Variants in SAMD11 observed in about 807,000 individuals in gnomAD.
The protein encoded by SAMD11 is sterile alpha motif domain-containing protein 11.
A neutral mutation model predicts 64.4 loss-of-function variants in SAMD11; 77 were observed. That is an observed-to-expected ratio of 1.20 (90% CI 0.99 to 1.44). The LOEUF is 1.44. SAMD11 is among the 40% of genes most tolerant of loss of function. The pLI is 0.00. For synonymous variants in SAMD11, 658 were observed against 421.9 expected (o/e 1.56, Z -6.86); for missense variants, 1,402 against 943.3 (o/e 1.49, Z -6.37).
At chr1:927,233 G>A (rs1640937957) in intron 2 of SAMD11, among the ~76,000 whole-genome samples, 1 of 152,174 alleles carries the variant, frequency 6.6e-6, no homozygotes, top group Non-Finnish European at 1.5e-5. Flanking sequence ...GGGGCAAGAG[G>A]CCCAGTTCCC....
rs776005293 is a variant in SAMD11, at chr1:930,189, C to T, written c.644C>T (p.Ala215Val). ...CGGCTGGCAGACAAGAGGACAGTCG[C>T]CCTGCCTGCCGCCCGGAACCTGAAG... Reference protein sequence around the residue: ...RGRLADKRTVALPAARNLKKE... With the variant: ...RGRLADKRTVVLPAARNLKKE... Residue 215 changes from alanine (A) to valine (V), a missense_variant, in exon 3 of 14, where the codon GCC becomes GTC. Ala to Val is a moderately conservative substitution (Grantham distance 64, BLOSUM62 0). Transcript: ENST00000616016. 1.3e-5 allele frequency: 20 copies of T among 1,561,940 alleles called. No individual in the cohort carries two copies. Among genetic ancestry groups the T allele is most frequent in the Admixed American group, 3.8e-5 (2 of 52,118 alleles).
At chr1:930,966 C>A in intron 3 of SAMD11, 73 bp from the exon 4 acceptor site, 1 of 1,468,352 alleles carries the variant, frequency 6.8e-7, no homozygotes, top group Non-Finnish European at 9.5e-7. Flanking sequence ...CAGGTCTGCG[C>A]ACGCCCTGCT....
chr1:936,016 C>A, intron 5 of SAMD11, 120 bp downstream of exon 5: 1 of 1,026,254 alleles, frequency 9.7e-7, no homozygotes, highest in Non-Finnish European at 1.4e-6. Context: ...AGCGGCCTGT[C>A]CCCCAGGGGC....
chr1:940,150 G>T lies in SAMD11; in HGVS notation c.1195+738G>T, dbSNP rs1358894955. On this transcript the variant is annotated intron_variant, in intron 7 of 13. Coordinates refer to ENST00000616016, the MANE Select transcript of SAMD11 (RefSeq NM_001385641.1). ...TCCCCCAGGGCAGCTCAGGCACCAA[G>T]AGCCTGAATAATTCACCAAATGTTA... Among the ~76,000 whole-genome samples, 7 of 152,330 alleles carry T rather than the reference G, an allele frequency of 4.6e-5. 1 individual carries two copies. The highest frequency in any genetic ancestry group is 1.7e-4 in the African/African-American group (7 of 41,574).
Position 944,028 on chromosome 1 carries a change from C to T in SAMD11, c.2410C>T (p.Pro804Ser). Residue 804 changes from proline (P) to serine (S), a missense_variant, in exon 14 of 14, where the codon CCC becomes TCC. Coordinates refer to ENST00000616016, the MANE Select transcript of SAMD11 (RefSeq NM_001385641.1). ...ELGTGEQPLS[P>S]TTATSPYGGG... is the part of the protein sequence containing the mutation. ...CGGCACAGGAGAGCAGCCCTTGTCCCCCACGACGGCCACGTCCCCCTATGG... is the reference window on the plus strand; with the variant it reads ...CGGCACAGGAGAGCAGCCCTTGTCCTCCACGACGGCCACGTCCCCCTATGG... 6.2e-7 allele frequency: 1 copy of T among 1,612,870 alleles called. No homozygotes were observed. The highest frequency in any genetic ancestry group is 8.5e-7 in the Non-Finnish European group (1 of 1,179,982).
chr1:937,827 G>A (rs1641540598), intron 5 of SAMD11, among the ~76,000 whole-genome samples: 1 of 152,260 alleles, frequency 6.6e-6, no homozygotes, highest in Admixed American at 6.5e-5. Flanking sequence ...TAAGTTATTA[G>A]CACCACTCTG....
At position 930,058 on chromosome 1, in the gene SAMD11, C is replaced by T. The variant is rs79027658; in HGVS notation, c.610-97C>T. 1,077 of 1,397,484 alleles carry T rather than the reference C, an allele frequency of 7.7e-4. 11 individuals carry two copies. The East Asian group carries it at 0.019, about 24-fold the overall frequency. The allele number at this position is 1,397,484 out of a possible 1,614,324, so 86.6% of individuals were successfully genotyped here. A position where few individuals can be genotyped will look rare whatever the true frequency, so the allele number is the denominator to read the frequency against. On this transcript the variant is annotated intron_variant, in intron 2 of 13. Transcript: ENST00000616016. Reference sequence around the variant, plus strand: ...GGGGTGCGAGACCAGGGCAGACCCCCGGGAGATGGAACGGCCCGGTCCAGC... The same window carrying T: ...GGGGTGCGAGACCAGGGCAGACCCCTGGGAGATGGAACGGCCCGGTCCAGC...
chr1:939,736 G>A (rs949098623), intron 7 of SAMD11, among the ~76,000 whole-genome samples: 6 of 152,168 alleles, frequency 3.9e-5, no homozygotes, highest in South Asian at 2.1e-4. Flanking sequence ...ACCCCCCGAG[G>A]AGAGCAAGCT....
intron 2 of SAMD11, among the ~76,000 whole-genome samples, chr1:928,324 G>A (rs1231801605): frequency 4.6e-5 from 7 of 152,194 alleles, no homozygotes; most frequent in South Asian, 4.1e-4. Flanking sequence ...CCCGGGAGGC[G>A]GAGCTTGCAG....
chr1:930,264 G>C lies in SAMD11; in HGVS notation c.719G>C (p.Ser240Thr), dbSNP rs1641108355. ...GCCAGCGATGGTGACAGCGACGGGA[G>C]TGGCCCCACCTGTGGGCGGCGGCCA... ...FSASDGDSDG[S>T]GPTCGRRPGL... The change falls in exon 3 of 14, where the codon AGT (serine) becomes ACT (threonine). Residue 240 changes from serine to threonine, a missense_variant. Ser to Thr is a moderately conservative substitution (Grantham distance 58). Coordinates refer to ENST00000616016, the MANE Select transcript of SAMD11 (RefSeq NM_001385641.1). The C allele has an allele frequency of 1.2e-6, 2 of 1,608,074 alleles. No individual in the cohort carries two copies. The highest frequency in any genetic ancestry group is 3.4e-5 in the Admixed American group (2 of 59,378).
rs1196819048 is a variant in SAMD11, at chr1:928,724, A to AGG, written c.610-1428_610-1427dup. 5.3e-5 allele frequency among the ~76,000 whole-genome samples: 8 copies of AGG among 152,340 alleles called. No individual in the cohort carries two copies. In the East Asian group the frequency reaches 1.4e-3, roughly 26 times the overall value. On this transcript the variant is annotated intron_variant, in intron 2 of 13. Transcript: ENST00000616016. ...CAGTGAGCTGTCGTGGAGAGAGCAG[A>AGG]GGGGACCCAGCGCAGGCCCAGTGGC...
At chr1:943,140 A>G in intron 11 of SAMD11, 82 bp downstream of exon 11, 1 of 1,576,842 alleles carries the variant, frequency 6.3e-7, no homozygotes, top group Non-Finnish European at 8.6e-7. Flanking sequence ...GGGGAGGAAA[A>G]ATTCCCCTTA....
rs1641651864 is a variant in SAMD11, at chr1:939,811, C to T, written c.1195+399C>T. ...GGACGCCGACCTGCCAGACGCCTGCCCCAGGAGCCTGGGGAGGGGCAGTGA... is the reference window on the plus strand; with the variant it reads ...GGACGCCGACCTGCCAGACGCCTGCTCCAGGAGCCTGGGGAGGGGCAGTGA... On this transcript the variant is annotated intron_variant, in intron 7 of 13. Coordinates refer to ENST00000616016, the MANE Select transcript of SAMD11 (RefSeq NM_001385641.1). Among the ~76,000 whole-genome samples, 3 of 151,982 alleles carry T rather than the reference C, an allele frequency of 2.0e-5. No individual in the cohort carries two copies. The South Asian group carries it at 6.2e-4, about 32-fold the overall frequency.
At position 944,395 on chromosome 1, in the gene SAMD11, C is replaced by A; in HGVS notation, c.*242C>A. ...CAGAGGTGGTGGAAGGGGCCAGGGG[C>A]CTGCAGGCCTCCCCCTGGAACTGGG... On this transcript the variant is annotated 3_prime_UTR_variant, in exon 14 of 14. Coordinates refer to ENST00000616016, the MANE Select transcript of SAMD11 (RefSeq NM_001385641.1). 4 of 1,252,892 alleles carry A rather than the reference C, an allele frequency of 3.2e-6. No homozygotes were observed. The highest frequency in any genetic ancestry group is 4.1e-6 in the Non-Finnish European group (4 of 965,490). 77.6% of individuals were successfully genotyped at this position (1,252,892 alleles called of 1,614,324 possible). A position where few individuals can be genotyped will look rare whatever the true frequency, so the allele number is the denominator to read the frequency against.
At chr1:940,678 G>T (rs561299196) in intron 7 of SAMD11, among the ~76,000 whole-genome samples, 1 of 152,184 alleles carries the variant, frequency 6.6e-6, no homozygotes, top group Admixed American at 6.5e-5. Flanking sequence ...CTAGTGTGGC[G>T]TGCGTGCGCG....
At chr1:930,103 G>T in intron 2 of SAMD11, 52 bp from the exon 3 acceptor site, 1 of 1,518,908 alleles carries the variant, frequency 6.6e-7, no homozygotes. Flanking sequence ...CTCTCCTCCT[G>T]CCCCACCTTC....
Position 942,232 on chromosome 1 carries a change from G to T in SAMD11, c.1455G>T (p.Ser485=). ...GGCCCCCCTTCCTGGGGGTGCCCTCGGCTCTGTGCCAGACCCCAGGTGAGG... is the reference window on the plus strand; with the variant it reads ...GGCCCCCCTTCCTGGGGGTGCCCTCTGCTCTGTGCCAGACCCCAGGTGAGG... ...HLRPPFLGVP[S]ALCQTPGYGF... Residue 485 remains serine, a synonymous_variant, in exon 9 of 14, where the codon TCG becomes TCT. Transcript: ENST00000616016. 1.5e-6 allele frequency: 2 copies of T among 1,339,766 alleles called. No individual in the cohort carries two copies. Among genetic ancestry groups the T allele is most frequent in the African/African-American group, 1.5e-5 (1 of 65,834 alleles). 83.0% of individuals were successfully genotyped at this position (1,339,766 alleles called of 1,614,324 possible). A position where few individuals can be genotyped will look rare whatever the true frequency, so the allele number is the denominator to read the frequency against.
Position 942,219 on chromosome 1 carries a change from T to G in SAMD11, c.1442T>G (p.Leu481Arg). The change falls in exon 9 of 14, where the codon CTG becomes CGG. Residue 481 changes from leucine (L) to arginine (R), a missense_variant. Coordinates refer to ENST00000616016, the MANE Select transcript of SAMD11 (RefSeq NM_001385641.1). ...ALGPHLRPPF[L>R]GVPSALCQTP... ...GGCCCCCATCTCAGGCCCCCCTTCC[T>G]GGGGGTGCCCTCGGCTCTGTGCCAG... 1 of 1,358,510 alleles carries G rather than the reference T, an allele frequency of 7.4e-7. No individual in the cohort carries two copies. The highest frequency in any genetic ancestry group is 9.5e-7 in the Non-Finnish European group (1 of 1,048,994). 84.2% of individuals were successfully genotyped at this position (1,358,510 alleles called of 1,614,324 possible).
intron 3 of SAMD11, among the ~76,000 whole-genome samples, chr1:930,544 G>C (rs914729473): frequency 6.6e-6 from 1 of 152,158 alleles, no homozygotes; most frequent in Non-Finnish European, 1.5e-5. Flanking sequence ...CTGCTCTGCG[G>C]CGCTCACTGG....
Sources: allele counts gnomAD v4.1 joint callset (sites outside exome capture counted in the v4.1 genomes callset), GRCh38; gene constraint gnomAD v4.1.1; transcripts MANE v1.5; gene names NCBI Gene and HGNC (gene_info 2026-07-23, HGNC 2026-07-21).